AFF3: variants seen among roughly 807,000 people sequenced by gnomAD.
AFF3 encodes AF4/FMR2 family member 3.
A neutral mutation model predicts 129.7 loss-of-function variants in AFF3; 32 were observed. That is an observed-to-expected ratio of 0.25 (90% confidence interval 0.19 to 0.33). AFF3 has a LOEUF of 0.33. Among genes scored for constraint, AFF3 ranks in the 10% least tolerant of loss-of-function variants. The pLI, the probability that AFF3 is intolerant of heterozygous loss-of-function variation, is 1.00. For synonymous variants in AFF3, 644 were observed against 635.4 expected (o/e 1.01, Z -0.20); for missense variants, 1,373 against 1,592.0 (o/e 0.86, Z 2.34).
chr2:99,558,746 G>A (rs532415555), intron 22 of AFF3, 129 bp downstream of exon 22: 1 of 755,464 alleles, frequency 1.3e-6, no homozygotes, highest in Admixed American at 2.7e-5. Context: ...TGGCATAAAT[G>A]GGGTTACCTT....
rs887352800 is a variant in AFF3 at position 99,736,260 on chromosome 2, T to G, written c.1039+7844A>C. ...CATTTCCCCTTGTAATTTGTGACTT[T>G]TACTTTTAAAAATTTGAAGCTTTGC... On this transcript the variant is annotated intron_variant, in intron 10 of 24. Coordinates refer to ENST00000672756, the MANE Select transcript of AFF3 (RefSeq NM_001386135.1). Among the ~76,000 whole-genome samples the G allele has an allele frequency of 1.8e-4, 27 of 152,224 alleles. 1 individual carries two copies.
At chr2:99,907,394 T>C (rs1244684113) in intron 7 of AFF3, among the ~76,000 whole-genome samples, 5 of 152,184 alleles carry the variant, frequency 3.3e-5, no homozygotes. Context: ...ATTCGAGTAT[T>C]ACCAAAATAT....
At chr2:99,644,262 T>C (rs1251580838) in intron 13 of AFF3, among the ~76,000 whole-genome samples, 1 of 152,236 alleles carries the variant, frequency 6.6e-6, no homozygotes, top group Non-Finnish European at 1.5e-5. Context: ...CAGATGATTA[T>C]ATGCACAATT....
intron 8 of AFF3, among the ~76,000 whole-genome samples, chr2:99,787,702 C>T (rs191252456): frequency 5.3e-5 from 8 of 152,192 alleles, no homozygotes; most frequent in Admixed American, 1.3e-4. Flanking sequence ...TGGATGAAGA[C>T]GGTTTTGGCT....
chr2:99,843,083 T>G (rs1689442394), intron 7 of AFF3, among the ~76,000 whole-genome samples: 1 of 152,214 alleles, frequency 6.6e-6, no homozygotes. Context: ...TTTAAATCAA[T>G]CTATTCTTGA....
intron 4 of AFF3, among the ~76,000 whole-genome samples, chr2:100,040,143 C>G (rs878961205): frequency 1.3e-5 from 2 of 152,260 alleles, no homozygotes; most frequent in Middle Eastern, 3.4e-3. Flanking sequence ...CCCCTTTTCA[C>G]GACCCTCCAC....
At chr2:99,937,034 C>CTATTTCT (rs1467690188) in intron 7 of AFF3, among the ~76,000 whole-genome samples, 1 of 152,128 alleles carries the variant, frequency 6.6e-6, no homozygotes, top group African/African-American at 2.4e-5. Context: ...AGGGTAGGAC[C>CTATTTCT]TATTTCTTGA....
intron 7 of AFF3, among the ~76,000 whole-genome samples, chr2:99,917,670 A>G (rs1040005408): frequency 1.3e-5 from 2 of 152,182 alleles, no homozygotes; most frequent in African/African-American, 4.8e-5. Context: ...TTTCTATATT[A>G]AAAAGGACCC....
chr2:100,081,566 A>G (rs1689054034), intron 4 of AFF3, among the ~76,000 whole-genome samples: 1 of 152,134 alleles, frequency 6.6e-6, no homozygotes, highest in Non-Finnish European at 1.5e-5. Context: ...CATCTGGCTT[A>G]GGAACCATTT....
chr2:99,794,355 G>T (rs1685418958), intron 8 of AFF3, among the ~76,000 whole-genome samples: 1 of 152,136 alleles, frequency 6.6e-6, no homozygotes, highest in African/African-American at 2.4e-5. Flanking sequence ...TTGTGTTAGG[G>T]TGTAGCCAAT....
intron 7 of AFF3, among the ~76,000 whole-genome samples, chr2:99,991,678 G>A (rs181590841): frequency 1.7e-4 from 26 of 152,260 alleles, no homozygotes; most frequent in African/African-American, 4.8e-4. Flanking sequence ...AAAGGCGGGC[G>A]GATAATTTGA....
At chr2:99,774,612 A>G (rs1478052575) in intron 8 of AFF3, among the ~76,000 whole-genome samples, 1 of 152,236 alleles carries the variant, frequency 6.6e-6, no homozygotes, top group Admixed American at 6.5e-5. Flanking sequence ...TTAAAGACTT[A>G]AATGCAAAAC....
rs1389967995 is a variant in AFF3, at chr2:99,867,029, T to TA, written c.874-29506dup. Among the ~76,000 whole-genome samples the TA allele has an allele frequency of 4.8e-5, 7 of 145,398 alleles. No individual in the cohort carries two copies. In the East Asian group the frequency reaches 1.2e-3, roughly 25 times the overall value. ...AAATAAATAAAATAAAAATAAAAAA[T>TA]AAAAAAAACAAGCACTGGCATTTTC... On this transcript the variant is annotated intron_variant, in intron 7 of 24. Transcript: ENST00000672756.
chr2:100,008,652 G>C (rs1682205791), intron 5 of AFF3, among the ~76,000 whole-genome samples, 160 bp downstream of exon 5: 1 of 152,200 alleles, frequency 6.6e-6, no homozygotes, highest in African/African-American at 2.4e-5. Context: ...TCAATTTCTG[G>C]GGGAAGACCC....
chr2:99,560,834 T>C (rs562199673), intron 20 of AFF3, among the ~76,000 whole-genome samples: 28 of 152,388 alleles, frequency 1.8e-4, no homozygotes, highest in African/African-American at 6.7e-4. Context: ...ATTTCCATCC[T>C]GGGTATGCAG....
At chr2:99,909,663 G>C (rs1489647564) in intron 7 of AFF3, among the ~76,000 whole-genome samples, 2 of 151,890 alleles carry the variant, frequency 1.3e-5, no homozygotes, top group Non-Finnish European at 2.9e-5. Context: ...GAGTGGAGAA[G>C]TTCTTTTGGG....
At chr2:99,893,195 G>A (rs1379751496) in intron 7 of AFF3, among the ~76,000 whole-genome samples, 1 of 152,192 alleles carries the variant, frequency 6.6e-6, no homozygotes, top group Non-Finnish European at 1.5e-5. Flanking sequence ...TGGTGCTGGG[G>A]CCACCTTCTG....
intron 4 of AFF3, among the ~76,000 whole-genome samples, chr2:100,047,081 TAA>T (rs1446832896): frequency 2.6e-5 from 4 of 152,214 alleles, no homozygotes; most frequent in Non-Finnish European, 2.9e-5. Flanking sequence ...GTAAATTAAT[TAA>T]AATTAAGTTA....
intron 7 of AFF3, among the ~76,000 whole-genome samples, chr2:99,902,115 TATAGATGTCTGAC>T (rs1558960487): frequency 6.6e-6 from 1 of 151,714 alleles, no homozygotes; most frequent in Non-Finnish European, 1.5e-5. Flanking sequence ...GTTCATCAAG[TATAGATGTCTGAC>T]ATATTTGGAA....
Sources: gnomAD v4.1 joint callset for allele counts (sites outside exome capture counted in the v4.1 genomes callset) on GRCh38, gnomAD v4.1.1 for gene constraint, MANE v1.5 for transcripts, NCBI Gene and HGNC (gene_info 2026-07-23, HGNC 2026-07-21) for gene names.